Variants in PTPRF observed in about 807,000 individuals in gnomAD.
PTPRF encodes protein tyrosine phosphatase receptor type F, also known as receptor-type tyrosine-protein phosphatase F.
Under a neutral mutation model 201.8 loss-of-function variants are expected in PTPRF, and 59 were observed. The ratio of observed to expected loss-of-function variants is 0.29; its 90% confidence interval spans 0.24 to 0.36. The LOEUF is 0.36. Among genes scored for constraint, PTPRF ranks in the 10% least tolerant of loss-of-function variants. The pLI, the probability that PTPRF is intolerant of heterozygous loss-of-function variation, is 1.00. For missense variants in PTPRF, 2,132 were observed against 2,690.5 expected (o/e 0.79, Z 4.59); for synonymous variants, 1,088 against 1,089.7 (o/e 1.00, Z 0.03).
chr1:43,535,005 C>T (rs1348074763), intron 1 of PTPRF, among the ~76,000 whole-genome samples: 1 of 152,174 alleles, frequency 6.6e-6, no homozygotes, highest in African/African-American at 2.4e-5. Context: ...CTAGTGAGTA[C>T]TGTTGTCTGT....
At chr1:43,573,567 C>A (rs1646716269) in intron 6 of PTPRF, among the ~76,000 whole-genome samples, 1 of 152,220 alleles carries the variant, frequency 6.6e-6, no homozygotes, top group Non-Finnish European at 1.5e-5. Flanking sequence ...GAGCCTGTCC[C>A]CACCCCACTC....
At chr1:43,598,497 G>C in intron 12 of PTPRF, 1 of 548,988 alleles carries the variant, frequency 1.8e-6, no homozygotes, top group South Asian at 2.6e-5. Flanking sequence ...CAAGTGAGAG[G>C]CCTGGGCCAG....
chr1:43,540,469 G>T (rs963623518), intron 2 of PTPRF, among the ~76,000 whole-genome samples: 31 of 152,154 alleles, frequency 2.0e-4, no homozygotes, highest in Non-Finnish European at 7.4e-5. Flanking sequence ...ACAAAGTTGG[G>T]AAACAGTAAT....
intron 2 of PTPRF, among the ~76,000 whole-genome samples, chr1:43,540,381 A>T (rs2153957954): frequency 6.6e-6 from 1 of 152,178 alleles, no homozygotes; most frequent in Non-Finnish European, 1.5e-5. Flanking sequence ...CAGAGTTCTG[A>T]GGGGTGAGTG....
At chr1:43,589,619 G>T (rs1650094841) in intron 8 of PTPRF, among the ~76,000 whole-genome samples, 1 of 151,496 alleles carries the variant, frequency 6.6e-6, no homozygotes, top group Non-Finnish European at 1.5e-5. Context: ...CGCTTTGGGA[G>T]GCCAAGTTGG....
At chr1:43,597,426 G>A (rs766495656) in intron 11 of PTPRF, among the ~76,000 whole-genome samples, 10 of 152,250 alleles carry the variant, frequency 6.6e-5, no homozygotes, top group East Asian at 3.9e-4. Context: ...GTGACACAGC[G>A]TGTGACTGTG....
At chr1:43,568,799 G>A (rs1341459021) in intron 5 of PTPRF, among the ~76,000 whole-genome samples, 1 of 152,188 alleles carries the variant, frequency 6.6e-6, no homozygotes, top group African/African-American at 2.4e-5. Context: ...TCCTCTGTGT[G>A]CCGCCAACCC....
At chr1:43,613,187 C>T (rs1292254339) in intron 22 of PTPRF, 3 of 310,792 alleles carry the variant, frequency 9.7e-6, no homozygotes, top group East Asian at 8.4e-5. Flanking sequence ...ACTTGGTGCC[C>T]GGGATGACGA....
upstream of PTPRF, among the ~76,000 whole-genome samples, chr1:43,524,912 C>T (rs554249448): frequency 1.3e-5 from 2 of 152,148 alleles, no homozygotes; most frequent in African/African-American, 4.8e-5. Context: ...CGGTTCCAAG[C>T]CGACTGGAGA....
chr1:43,534,956 A>T (rs1431893540), intron 1 of PTPRF, among the ~76,000 whole-genome samples: 1 of 152,242 alleles, frequency 6.6e-6, no homozygotes, highest in Non-Finnish European at 1.5e-5. Flanking sequence ...AGGATTAAAG[A>T]TAGTATGCAT....
rs1488544459 is a variant in PTPRF, at chr1:43,619,590, C to T, written c.4932+17C>T. Reference sequence around the variant, plus strand: ...GAGTTCAAGGTGGGGCTCGGGTGGGCCTGCTTGGCTCCAGGGCCTAGACTG... The same window carrying T: ...GAGTTCAAGGTGGGGCTCGGGTGGGTCTGCTTGGCTCCAGGGCCTAGACTG... On this transcript the variant is annotated intron_variant, in intron 28 of 33. Coordinates refer to ENST00000359947, the MANE Select transcript of PTPRF (RefSeq NM_002840.5). The T allele has an allele frequency of 6.2e-7, 1 of 1,610,676 alleles. No homozygotes were observed. The highest frequency in any genetic ancestry group is 1.1e-5 in the South Asian group (1 of 90,834).
rs1649653996 is a variant in PTPRF, at chr1:43,588,158, C to A, written c.680-573C>A. Among the ~76,000 whole-genome samples, 1 of 152,172 alleles carries A rather than the reference C, an allele frequency of 6.6e-6. No homozygotes were observed. Among genetic ancestry groups the A allele is most frequent in the Non-Finnish European group, 1.5e-5 (1 of 68,024 alleles). ...GGTTGTGCCCTGAGCATGGCTGAGA[C>A]CCTGGCAGGCGGCCCTGCTGCTTGC... On this transcript the variant is annotated intron_variant, in intron 7 of 33. Transcript: ENST00000359947. The surrounding 1 kb of genome is among the most constrained non-coding windows in gnomAD (Gnocchi z 5.3).
In PTPRF at chr1:43,602,183, C is replaced by A. The variant is rs527810335; in HGVS notation, c.2340+86C>A. The A allele has an allele frequency of 3.0e-4, 446 of 1,495,888 alleles. 8 individuals carry two copies. The South Asian group carries it at 4.8e-3, about 16-fold the overall frequency. The allele number at this position is 1,495,888 out of a possible 1,614,324, so 92.7% of individuals were successfully genotyped here. ...CCTCCTCTCCCTCCTTTCCTGCTAG[C>A]CTGCACTGCCAAGATCCACAGGGCT... On this transcript the variant is annotated intron_variant, in intron 14 of 33. Coordinates refer to ENST00000359947, the MANE Select transcript of PTPRF (RefSeq NM_002840.5).
In PTPRF at chr1:43,562,231, T is replaced by C. The variant is rs563290517; in HGVS notation, c.380-7359T>C. Among the ~76,000 whole-genome samples the C allele has an allele frequency of 4.6e-5, 7 of 151,556 alleles. No individual in the cohort carries two copies. The South Asian group carries it at 1.0e-3, about 23-fold the overall frequency. ...TCAGATGATTCTCCTGCCTCAGCCTTCCGAGCAGCTGGGACTACAGGCACG... is the reference window on the plus strand; with the variant it reads ...TCAGATGATTCTCCTGCCTCAGCCTCCCGAGCAGCTGGGACTACAGGCACG... On this transcript the variant is annotated intron_variant, in intron 5 of 33. Transcript: ENST00000359947.
intron 5 of PTPRF, among the ~76,000 whole-genome samples, chr1:43,558,048 A>G (rs1040573154): frequency 2.0e-5 from 3 of 151,424 alleles, no homozygotes; most frequent in African/African-American, 7.3e-5. Context: ...GGGTGAAAGG[A>G]TGGTTGGACT....
intron 7 of PTPRF, chr1:43,579,617 T>G (rs1647177432): frequency 7.5e-6 from 2 of 265,646 alleles, no homozygotes; most frequent in Non-Finnish European, 1.5e-5. Context: ...GTTTCCAATC[T>G]CTGCTATGCT....
intron 7 of PTPRF, among the ~76,000 whole-genome samples, chr1:43,585,570 C>T (rs1160515356): frequency 6.6e-6 from 1 of 152,132 alleles, no homozygotes. Flanking sequence ...CTAGAGCTCT[C>T]CCTGCCCCCT....
intron 5 of PTPRF, among the ~76,000 whole-genome samples, chr1:43,567,015 A>G (rs984061171): frequency 2.0e-5 from 3 of 152,334 alleles, no homozygotes; most frequent in South Asian, 2.1e-4. Flanking sequence ...TCCGAGACAC[A>G]GGGCTGCACA....
At chr1:43,576,367 T>C (rs1407986667) in intron 6 of PTPRF, among the ~76,000 whole-genome samples, 1 of 152,224 alleles carries the variant, frequency 6.6e-6, no homozygotes, top group Non-Finnish European at 1.5e-5. Context: ...ACTTTCCCTT[T>C]AGTATCCCGG....
Sources: gnomAD v4.1 joint callset for allele counts (sites outside exome capture counted in the v4.1 genomes callset) on GRCh38, gnomAD v4.1.1 for gene constraint, Gnocchi (gnomAD v3.1) non-coding constraint, MANE v1.5 for transcripts, NCBI Gene and HGNC (gene_info 2026-07-23, HGNC 2026-07-21) for gene names.